CDON: variants seen among roughly 807,000 people sequenced by gnomAD.
The protein encoded by CDON is cell adhesion associated, oncogene regulated.
A neutral mutation model predicts 120.9 loss-of-function variants in CDON; 73 were observed. The observed-to-expected ratio is 0.60, with a 90% confidence interval of 0.50 to 0.73. The LOEUF is 0.73. CDON is among the 30% of genes least tolerant of loss of function. CDON has a pLI of 0.00. For synonymous variants in CDON, 566 were observed against 573.5 expected (o/e 0.99, Z 0.19); for missense variants, 1,470 against 1,587.3 (o/e 0.93, Z 1.26).
intron 18 of CDON, among the ~76,000 whole-genome samples, chr11:125,977,481 A>G (rs1946179657): frequency 6.6e-6 from 1 of 152,218 alleles, no homozygotes; most frequent in East Asian, 1.9e-4. Flanking sequence ...CTAAACTCCC[A>G]CCCATACTCC....
chr11:126,041,505 T>C (rs899567427), intron 1 of CDON, among the ~76,000 whole-genome samples: 7 of 152,194 alleles, frequency 4.6e-5, no homozygotes, highest in Admixed American at 3.3e-4. Context: ...CTGAACATAG[T>C]TGGGCTTCCT....
chr11:125,961,144 A>G, intron 19 of CDON, 39 bp from the exon 20 acceptor site: 1 of 1,591,106 alleles, frequency 6.3e-7, no homozygotes, highest in South Asian at 1.1e-5. Context: ...ATCAAATGAT[A>G]AAGGCTGATT....
intron 18 of CDON, among the ~76,000 whole-genome samples, chr11:125,965,662 G>T (rs1945777367): frequency 6.6e-6 from 1 of 152,218 alleles, no homozygotes; most frequent in Non-Finnish European, 1.5e-5. Flanking sequence ...AGTGAAGCAG[G>T]AAGAAAGCAG....
chr11:126,051,869 G>C (rs1219850592), intron 1 of CDON, among the ~76,000 whole-genome samples: 1 of 151,792 alleles, frequency 6.6e-6, no homozygotes, highest in Non-Finnish European at 1.5e-5. Flanking sequence ...GGCTGGTCTT[G>C]AACTCCTGAC....
intron 9 of CDON, chr11:126,005,536 T>C (rs1227859745): frequency 1.9e-5 from 11 of 584,420 alleles, no homozygotes; most frequent in South Asian, 3.9e-5. Context: ...AAAGACATCA[T>C]TGGGTTCCTA....
intron 1 of CDON, among the ~76,000 whole-genome samples, chr11:126,059,008 A>G (rs1291980575): frequency 6.6e-6 from 1 of 152,138 alleles, no homozygotes; most frequent in African/African-American, 2.4e-5. Context: ...TTAGAATTCT[A>G]TAATAATAAT....
At chr11:126,006,716 A>C (rs1196644091) in intron 8 of CDON, among the ~76,000 whole-genome samples, 1 of 152,194 alleles carries the variant, frequency 6.6e-6, no homozygotes, top group Non-Finnish European at 1.5e-5. Context: ...TAAAAAGATA[A>C]AACAAGCAGG....
intron 12 of CDON, among the ~76,000 whole-genome samples, chr11:125,996,328 A>C (rs1007705981): frequency 3.9e-5 from 6 of 152,136 alleles, no homozygotes; most frequent in Admixed American, 2.6e-4. Flanking sequence ...CTCTACTAAA[A>C]GTTGAGTTTG....
intron 14 of CDON, among the ~76,000 whole-genome samples, chr11:125,990,446 C>T (rs1417802152): frequency 6.6e-6 from 1 of 152,198 alleles, no homozygotes; most frequent in Non-Finnish European, 1.5e-5. Flanking sequence ...TTTAGAAACA[C>T]TCCTAAACTG....
At chr11:126,041,188 TA>T (rs562515383) in intron 1 of CDON, among the ~76,000 whole-genome samples, 5,045 of 94,024 alleles carry the variant, frequency 0.054, 193 homozygotes, top group African/African-American at 0.16. Flanking sequence ...TGAGACTGTC[TA>T]AAAAAAAAAA....
chr11:125,994,318 G>A lies in CDON; in HGVS notation c.2616C>T (p.Asp872=), dbSNP rs775670294. The change falls in exon 14 of 20, where the codon GAC becomes GAT. Residue 872 remains aspartate (D), a synonymous_variant. Transcript: ENST00000531738. ...CATCCCTCTTGTAATCACTGTCATT[G>A]TCACTATCTGTTGGTCGGTAATAGA... is the stretch of plus-strand genomic sequence containing the variant. ...FYIYYRPTDS[D]NDSDYKRDVV... The A allele has an allele frequency of 8.7e-6, 14 of 1,601,374 alleles. No individual in the cohort carries two copies. The highest frequency in any genetic ancestry group is 1.1e-5 in the Non-Finnish European group (13 of 1,168,574).
intron 1 of CDON, among the ~76,000 whole-genome samples, chr11:126,042,999 T>C (rs1049811521): frequency 6.6e-6 from 1 of 152,204 alleles, no homozygotes; most frequent in Non-Finnish European, 1.5e-5. Flanking sequence ...ACCGACTTCC[T>C]AGAACTAAAT....
chr11:126,020,033 A>G (rs1555129310), intron 3 of CDON, among the ~76,000 whole-genome samples: 1 of 151,960 alleles, frequency 6.6e-6, no homozygotes, highest in Non-Finnish European at 1.5e-5. Context: ...CCTGGGTAAC[A>G]GAGTGAGACC....
chr11:125,995,216 C>T (rs534187265), intron 12 of CDON, among the ~76,000 whole-genome samples, 164 bp from the exon 13 acceptor site: 2 of 152,250 alleles, frequency 1.3e-5, no homozygotes, highest in African/African-American at 4.8e-5. Context: ...GATTTCAACC[C>T]AATTGACAAT....
At position 126,062,724 on chromosome 11, in the gene CDON, A is replaced by C. The variant is rs1948835186; in HGVS notation, c.-207T>G. ...GAACGGGCCCCTCCATGCACCGCGC[A>C]GGGCAGAGGAGGGAGCGGCGCCTCG... is the stretch of plus-strand genomic sequence containing the variant. On this transcript the variant is annotated 5_prime_UTR_variant, in exon 1 of 20. Coordinates refer to ENST00000531738, the MANE Select transcript of CDON (RefSeq NM_001378964.1). The C allele has an allele frequency of 6.6e-6, 1 of 151,058 alleles. No individual in the cohort carries two copies. The highest frequency in any genetic ancestry group is 2.4e-5 in the African/African-American group (1 of 41,040). The allele number at this position is 151,058 out of a possible 1,614,324, so 9.4% of individuals were successfully genotyped here. A position where few individuals can be genotyped will look rare whatever the true frequency, so the allele number is the denominator to read the frequency against.
At chr11:125,970,656 G>A (rs930517086) in intron 18 of CDON, among the ~76,000 whole-genome samples, 6 of 152,170 alleles carry the variant, frequency 3.9e-5, no homozygotes, top group African/African-American at 9.7e-5. Flanking sequence ...TGCGATGACC[G>A]CAGCATTAGA....
chr11:125,971,457 T>C (rs1945996492), intron 18 of CDON, among the ~76,000 whole-genome samples: 1 of 152,114 alleles, frequency 6.6e-6, no homozygotes, highest in African/African-American at 2.4e-5. Flanking sequence ...GTTGTTGTCA[T>C]CGGAGGACAT....
intron 8 of CDON, 79 bp downstream of exon 8, chr11:126,010,262 A>G: frequency 2.0e-6 from 2 of 1,014,910 alleles, no homozygotes; most frequent in South Asian, 1.4e-5. Flanking sequence ...ATTCATTAAA[A>G]TAACATATTT....
chr11:126,029,410 C>T (rs1376720144), intron 1 of CDON, among the ~76,000 whole-genome samples: 1 of 152,146 alleles, frequency 6.6e-6, no homozygotes, highest in Non-Finnish European at 1.5e-5. Flanking sequence ...GTGGTTTTAA[C>T]TCATTACACA....
Sources: gnomAD v4.1 joint callset for allele counts (sites outside exome capture counted in the v4.1 genomes callset) on GRCh38, gnomAD v4.1.1 for gene constraint, MANE v1.5 for transcripts, NCBI Gene and HGNC (gene_info 2026-07-23, HGNC 2026-07-21) for gene names.